ZBTB20: variants seen among roughly 807,000 people sequenced by gnomAD.
ZBTB20 encodes the protein zinc finger and BTB domain containing 20, also known as zinc finger and BTB domain-containing protein 20.
ZBTB20 carries 9 observed loss-of-function variants against 56.9 expected under a neutral mutation model. That is an observed-to-expected ratio of 0.16 (90% CI 0.10 to 0.28). ZBTB20 has a LOEUF of 0.28. Ranked by LOEUF, ZBTB20 falls within the 10% of genes least tolerant of loss-of-function variation. ZBTB20 has a pLI of 1.00. For missense variants in ZBTB20, 655 were observed against 1,003.0 expected, an observed-to-expected ratio of 0.65 and a Z score of 4.69; for synonymous variants, 417 against 420.7, an observed-to-expected ratio of 0.99 and a Z score of 0.11.
intron 6 of ZBTB20, among the ~76,000 whole-genome samples, chr3:114,526,788 A>G (rs548977610): frequency 6.6e-6 from 1 of 152,306 alleles, no homozygotes; most frequent in East Asian, 1.9e-4. Flanking sequence ...CAACTAGAAC[A>G]TTACAGCTAT....
chr3:114,786,960 A>T (rs893733402), intron 5 of ZBTB20, among the ~76,000 whole-genome samples: 4 of 152,032 alleles, frequency 2.6e-5, no homozygotes, highest in Non-Finnish European at 4.4e-5. Flanking sequence ...ATCGTGAAAC[A>T]TGCAATGATA....
At chr3:115,052,012 T>C (rs1481284547) in intron 2 of ZBTB20, among the ~76,000 whole-genome samples, 1 of 152,000 alleles carries the variant, frequency 6.6e-6, no homozygotes, top group African/African-American at 2.4e-5. Flanking sequence ...TTTGCACCCA[T>C]GATCTGATCA....
chr3:115,083,054 C>G (rs957908239), intron 1 of ZBTB20, among the ~76,000 whole-genome samples: 2 of 151,968 alleles, frequency 1.3e-5, no homozygotes, highest in African/African-American at 4.8e-5. Context: ...GCCATTAATA[C>G]CTACAATGGA....
At chr3:114,466,402 G>A (rs1243325713) in intron 7 of ZBTB20, among the ~76,000 whole-genome samples, 1 of 152,138 alleles carries the variant, frequency 6.6e-6, no homozygotes, top group Non-Finnish European at 1.5e-5. Context: ...CTGTGATCCT[G>A]TCTTTTTCAT....
chr3:114,563,714 A>G (rs1025774187), intron 6 of ZBTB20, among the ~76,000 whole-genome samples: 3 of 152,176 alleles, frequency 2.0e-5, no homozygotes, highest in Non-Finnish European at 2.9e-5. Context: ...TTTAATTTGT[A>G]ATACATAGGC....
Position 114,334,013 on chromosome 3 carries a change from C to A in ZBTB20, c.*4992G>T, listed in dbSNP as rs1043418851. 3.3e-5 allele frequency: 5 copies of A among 152,062 alleles called. No individual in the cohort carries two copies. The highest frequency in any genetic ancestry group is 3.3e-4 in the Admixed American group (5 of 15,266). The allele number at this position is 152,062 out of a possible 1,614,324, so 9.4% of individuals were successfully genotyped here. A position where few individuals can be genotyped will look rare whatever the true frequency, so the allele number is the denominator to read the frequency against. On this transcript the variant is annotated 3_prime_UTR_variant, in exon 12 of 12. Coordinates refer to ENST00000675478, the MANE Select transcript of ZBTB20 (RefSeq NM_001348800.3). The stretch of plus-strand genomic sequence containing the variant: ...CAGGTCACAACAGAAAGGGCGCCCT[C>A]CTGTTCTCCTAAATCTCAAGGGCAT...
intron 6 of ZBTB20, among the ~76,000 whole-genome samples, chr3:114,535,228 G>A (rs1403168033): frequency 6.6e-6 from 1 of 151,806 alleles, no homozygotes; most frequent in Non-Finnish European, 1.5e-5. Flanking sequence ...GATTAACAAA[G>A]CAGATAGACC....
At position 114,565,423 on chromosome 3, in the gene ZBTB20, T is replaced by A. The variant is rs530501929; in HGVS notation, c.-294-65032A>T. On this transcript the variant is annotated intron_variant, in intron 6 of 11. Coordinates refer to ENST00000675478, the MANE Select transcript of ZBTB20 (RefSeq NM_001348800.3). ...TTGCCCCGAATTTCTTTTACTGTCT[T>A]CTCAGCTTCATTACTGTTCATGTTT... Among the ~76,000 whole-genome samples the A allele has an allele frequency of 4.6e-5, 7 of 152,304 alleles. No individual in the cohort carries two copies. The East Asian group carries it at 1.4e-3, about 29-fold the overall frequency.
intron 1 of ZBTB20, among the ~76,000 whole-genome samples, chr3:115,072,172 G>A (rs915602363): frequency 2.6e-5 from 4 of 152,086 alleles, no homozygotes; most frequent in Non-Finnish European, 4.4e-5. Context: ...TGGTTATACA[G>A]TTTTGAGGGT....
chr3:114,635,866 G>A (rs955732045), intron 6 of ZBTB20, among the ~76,000 whole-genome samples: 8 of 151,746 alleles, frequency 5.3e-5, no homozygotes, highest in African/African-American at 1.9e-4. Context: ...AGAGGGAAAG[G>A]GGTAGAAAGC....
At chr3:114,650,511 C>G (rs2060074850) in intron 6 of ZBTB20, among the ~76,000 whole-genome samples, 1 of 151,778 alleles carries the variant, frequency 6.6e-6, no homozygotes, top group South Asian at 2.1e-4. Context: ...CCATGAAGAT[C>G]AAGAAAACAA....
intron 1 of ZBTB20, among the ~76,000 whole-genome samples, chr3:115,086,525 A>T (rs995305827): frequency 1.3e-5 from 2 of 151,856 alleles, no homozygotes; most frequent in Non-Finnish European, 2.9e-5. Flanking sequence ...CAGCCTTGTC[A>T]GCCAACCCTA....
At chr3:114,720,181 A>G (rs2064815358) in intron 5 of ZBTB20, among the ~76,000 whole-genome samples, 1 of 149,340 alleles carries the variant, frequency 6.7e-6, no homozygotes, top group African/African-American at 2.4e-5. Flanking sequence ...TATTTTTCTT[A>G]TACATCTAGT....
At chr3:114,523,536 A>C (rs2046876470) in intron 6 of ZBTB20, among the ~76,000 whole-genome samples, 1 of 152,224 alleles carries the variant, frequency 6.6e-6, no homozygotes, top group South Asian at 2.1e-4. Context: ...GATAAAACAG[A>C]AGAAAGATGT....
intron 5 of ZBTB20, among the ~76,000 whole-genome samples, chr3:114,747,609 T>G (rs2067144023): frequency 6.6e-6 from 1 of 152,042 alleles, no homozygotes; most frequent in Non-Finnish European, 1.5e-5. Flanking sequence ...AATACAGCAA[T>G]ATTCATTTGT....
At chr3:114,663,757 G>C (rs1200042478) in intron 6 of ZBTB20, among the ~76,000 whole-genome samples, 1 of 151,468 alleles carries the variant, frequency 6.6e-6, no homozygotes, top group East Asian at 1.9e-4. Context: ...TGATAAAACA[G>C]ACTTTAAACC....
intron 5 of ZBTB20, among the ~76,000 whole-genome samples, chr3:114,780,466 A>G (rs2069996008): frequency 6.6e-6 from 1 of 152,182 alleles, no homozygotes; most frequent in Admixed American, 6.5e-5. Context: ...ACTAGCTTAA[A>G]TAGTACAAAG....
At chr3:114,837,380 T>C (rs1416757941) in intron 4 of ZBTB20, among the ~76,000 whole-genome samples, 1 of 152,138 alleles carries the variant, frequency 6.6e-6, no homozygotes, top group Non-Finnish European at 1.5e-5. Context: ...CCCCCAAACT[T>C]AGTAACTTAA....
At chr3:115,050,705 A>C (rs1396707720) in intron 2 of ZBTB20, among the ~76,000 whole-genome samples, 1 of 152,058 alleles carries the variant, frequency 6.6e-6, no homozygotes, top group African/African-American at 2.4e-5. Context: ...CTGGCATGTA[A>C]ACTTAGGTAA....
Sources: gnomAD v4.1 joint callset for allele counts (sites outside exome capture counted in the v4.1 genomes callset) on GRCh38, gnomAD v4.1.1 for gene constraint, MANE v1.5 for transcripts, NCBI Gene and HGNC (gene_info 2026-07-23, HGNC 2026-07-21) for gene names.